Variants in MCPH1 observed in about 807,000 individuals in gnomAD.
The protein encoded by MCPH1 is microcephalin.
Under a neutral mutation model 84.5 loss-of-function variants are expected in MCPH1, and 104 were observed. The observed-to-expected ratio is 1.23, with a 90% CI of 1.05 to 1.45. MCPH1 has a LOEUF of 1.45. Among genes scored for constraint, MCPH1 ranks in the 40% most tolerant of loss-of-function variants. The probability of loss-of-function intolerance (pLI) is 0.00; values close to 1 mark genes in which losing one functional copy is unlikely to be tolerated. For synonymous variants in MCPH1, 514 were observed against 366.8 expected (o/e 1.40, Z -4.58); for missense variants, 1,498 against 1,005.7 (o/e 1.49, Z -6.62).
At chr8:6,563,182 C>T in intron 12 of MCPH1, 2 of 353,066 alleles carry the variant, frequency 5.7e-6, no homozygotes, top group South Asian at 5.7e-5. Context: ...AGGGCTGTGT[C>T]AGCTTTTACA....
intron 12 of MCPH1, among the ~76,000 whole-genome samples, chr8:6,568,198 C>G (rs1351424183): frequency 6.6e-6 from 1 of 151,812 alleles, no homozygotes. Context: ...CAAGAAAAGC[C>G]AAAGGGCCTC....
intron 5 of MCPH1, among the ~76,000 whole-genome samples, chr8:6,437,720 G>C (rs1378620859): frequency 6.6e-6 from 1 of 152,140 alleles, no homozygotes; most frequent in Non-Finnish European, 1.5e-5. Flanking sequence ...CAAAGCTCAA[G>C]CCAGAAACGT....
At chr8:6,588,268 G>T (rs558962068) in intron 12 of MCPH1, among the ~76,000 whole-genome samples, 1 of 152,134 alleles carries the variant, frequency 6.6e-6, no homozygotes, top group South Asian at 2.1e-4. Flanking sequence ...TCCAGAGCCA[G>T]GCCAGCCCAG....
At position 6,605,713 on chromosome 8, in the gene MCPH1, T is replaced by A. The variant is rs1452687305; in HGVS notation, c.2215-15741T>A. Among the ~76,000 whole-genome samples, 5 of 152,034 alleles carry A rather than the reference T, an allele frequency of 3.3e-5. No homozygotes were observed. The South Asian group carries it at 1.0e-3, about 32-fold the overall frequency. On this transcript the variant is annotated intron_variant, in intron 12 of 13. Coordinates refer to ENST00000344683, the MANE Select transcript of MCPH1 (RefSeq NM_024596.5). ...ACATTATTTTTGTAATCTTTTTTTT[T>A]ATGACACAGAGTCTCACTCTGTCAC...
intron 12 of MCPH1, among the ~76,000 whole-genome samples, chr8:6,598,463 G>A (rs1360522338): frequency 6.6e-6 from 1 of 152,200 alleles, no homozygotes; most frequent in Non-Finnish European, 1.5e-5. Flanking sequence ...GGGGTGGGGG[G>A]CGGTCGTGAG....
At chr8:6,632,795 T>G (rs1413363833) in intron 13 of MCPH1, among the ~76,000 whole-genome samples, 2 of 150,892 alleles carry the variant, frequency 1.3e-5, no homozygotes, top group African/African-American at 2.5e-5. Context: ...GGCAACAGAG[T>G]GAGACTCTGT....
chr8:6,411,566 C>T (rs1264319736), intron 2 of MCPH1, among the ~76,000 whole-genome samples: 1 of 152,176 alleles, frequency 6.6e-6, no homozygotes, highest in Non-Finnish European at 1.5e-5. Flanking sequence ...CTAAGATCGA[C>T]AGTGAGAACA....
At chr8:6,633,678 C>T (rs1014767193) in intron 13 of MCPH1, among the ~76,000 whole-genome samples, 1 of 152,166 alleles carries the variant, frequency 6.6e-6, no homozygotes, top group African/African-American at 2.4e-5. Context: ...CAAATTCCCC[C>T]ACACAAGCAC....
chr8:6,520,044 A>T, intron 12 of MCPH1: 2 of 1,592,720 alleles, frequency 1.3e-6, no homozygotes, highest in Non-Finnish European at 1.7e-6. Context: ...AAAGACAAAG[A>T]CTTGTTATTT....
Position 6,409,285 on chromosome 8 carries a change from T to G in MCPH1, c.29T>G (p.Val10Gly). The G allele has an allele frequency of 1.2e-6, 2 of 1,612,226 alleles. No individual in the cohort carries two copies. Among genetic ancestry groups the G allele is most frequent in the East Asian group, 4.5e-5 (2 of 44,872 alleles). Residue 10 changes from valine (V) to glycine (G), a missense_variant, in exon 2 of 14, where the codon GTG becomes GGG. Coordinates refer to ENST00000344683, the MANE Select transcript of MCPH1 (RefSeq NM_024596.5). MAAPILKDVVAYVEVWSSNG... is the reference protein window; with the variant it reads MAAPILKDVGAYVEVWSSNG... ...GTTCATATCTTGTTTTCAGATGTAG[T>G]GGCCTATGTTGAAGTGTGGTCATCC... is the stretch of plus-strand genomic sequence containing the variant.
chr8:6,532,670 T>C (rs1346832080), intron 12 of MCPH1, among the ~76,000 whole-genome samples: 3 of 152,098 alleles, frequency 2.0e-5, no homozygotes, highest in Non-Finnish European at 2.9e-5. Flanking sequence ...TACAGTGTGA[T>C]TTTATTTTTA....
At chr8:6,519,720 G>A (rs1450870288) in intron 12 of MCPH1, 16 of 970,990 alleles carry the variant, frequency 1.6e-5, no homozygotes, top group East Asian at 5.2e-5. Context: ...CACTCTAGGC[G>A]AGGTAGCTGC....
chr8:6,501,959 TA>T (rs1338679313), intron 12 of MCPH1: 1 of 150,840 alleles, frequency 6.6e-6, no homozygotes, highest in Non-Finnish European at 1.5e-5. Flanking sequence ...CTGATTGACA[TA>T]AAAAAACTTA....
At chr8:6,452,031 C>T (rs574812510) in intron 8 of MCPH1, among the ~76,000 whole-genome samples, 13 of 152,288 alleles carry the variant, frequency 8.5e-5, no homozygotes, top group East Asian at 5.8e-4. Context: ...GTTATTTCTT[C>T]GGCCTTAGCT....
chr8:6,612,221 G>A (rs1363512673), intron 12 of MCPH1, among the ~76,000 whole-genome samples: 1 of 152,118 alleles, frequency 6.6e-6, no homozygotes, highest in African/African-American at 2.4e-5. Context: ...CATATTTCTC[G>A]TTATAGCACA....
At chr8:6,499,976 C>G in intron 12 of MCPH1, 47 bp downstream of exon 12, 2 of 1,513,222 alleles carry the variant, frequency 1.3e-6, no homozygotes, top group African/African-American at 1.4e-5. Context: ...TTGCTGTTCT[C>G]AAGAAATTAT....
At chr8:6,479,191 C>G (rs1405794731) in intron 10 of MCPH1, among the ~76,000 whole-genome samples, 1 of 151,984 alleles carries the variant, frequency 6.6e-6, no homozygotes, top group African/African-American at 2.4e-5. Flanking sequence ...CACTTGAGCC[C>G]TGGAGATCAA....
intron 3 of MCPH1, among the ~76,000 whole-genome samples, chr8:6,415,394 T>C (rs997945202): frequency 6.6e-6 from 1 of 151,748 alleles, no homozygotes; most frequent in African/African-American, 2.4e-5. Flanking sequence ...CTCAAGTGAT[T>C]CTTATGCCTC....
chr8:6,509,159 G>A (rs1387343397), intron 12 of MCPH1: 20 of 1,474,468 alleles, frequency 1.4e-5, no homozygotes, highest in South Asian at 1.0e-4. Flanking sequence ...CTACAGAAGC[G>A]TGTTCTGTAC....
Sources: gnomAD v4.1 joint callset for allele counts (sites outside exome capture counted in the v4.1 genomes callset) on GRCh38, gnomAD v4.1.1 for gene constraint, MANE v1.5 for transcripts, NCBI Gene and HGNC (gene_info 2026-07-23, HGNC 2026-07-21) for gene names.